SLC17A7: variants seen among roughly 807,000 people sequenced by gnomAD.
The protein encoded by SLC17A7 is solute carrier family 17 member 7, also known as vesicular glutamate transporter 1.
Under a neutral mutation model 59.1 loss-of-function variants are expected in SLC17A7, and 15 were observed. That is an observed-to-expected ratio of 0.25 (90% CI 0.17 to 0.39). The LOEUF is 0.39. Ranked by LOEUF, SLC17A7 falls within the 10% of genes least tolerant of loss-of-function variation. SLC17A7 has a pLI of 1.00. For missense variants in SLC17A7, 499 were observed against 765.1 expected, an observed-to-expected ratio of 0.65 and a Z score of 4.10; for synonymous variants, 353 against 308.9, an observed-to-expected ratio of 1.14 and a Z score of -1.50.
intron 1 of SLC17A7, among the ~76,000 whole-genome samples, chr19:49,439,353 C>G (rs1436493306): frequency 1.3e-5 from 2 of 152,184 alleles, no homozygotes; most frequent in East Asian, 3.9e-4. Context: ...TGATCCCTTA[C>G]TGGCCCTCGG....
At chr19:49,432,316 C>T (rs1228532361) in intron 9 of SLC17A7, among the ~76,000 whole-genome samples, 1 of 152,190 alleles carries the variant, frequency 6.6e-6, no homozygotes, top group Non-Finnish European at 1.5e-5. Context: ...GCGCGGTGGC[C>T]CCTTGGACGG....
rs1351491266 is a variant in SLC17A7 at position 49,432,567 on chromosome 19, G to T, written c.1102C>A (p.Arg368Ser). The T allele has an allele frequency of 5.0e-6, 8 of 1,610,938 alleles. No individual in the cohort carries two copies. Among genetic ancestry groups the T allele is most frequent in the Admixed American group, 1.7e-5 (1 of 59,816 alleles). The change falls in exon 9 of 12, where the codon CGC becomes AGC. Residue 368 changes from arginine (R) to serine (S), a missense_variant. By Grantham distance (110) the Arg-to-Ser change is moderately radical. This residue lies in a region of SLC17A7 where 323 missense variants were observed against 607.2 expected (regional missense o/e 0.53). Transcript: ENST00000221485. ...GGQIADFLRS[R>S]RIMSTTNVRK... Reference sequence around the variant, plus strand: ...ACGTTGGTGGTGGACATGATGCGGCGGCTCCGCAGGAAGTCCGCGATCTGG... The same window carrying T: ...ACGTTGGTGGTGGACATGATGCGGCTGCTCCGCAGGAAGTCCGCGATCTGG...
Position 49,431,458 on chromosome 19 carries a change from C to T in SLC17A7, c.1151-10G>A, listed in dbSNP as rs889941557. ...GCTTCCATGCCGAAGCCTACGGGGGCGGGGGGGGCCCGCGTCTCCTGAGTG... is the reference window on the plus strand; with the variant it reads ...GCTTCCATGCCGAAGCCTACGGGGGTGGGGGGGGCCCGCGTCTCCTGAGTG... On this transcript the variant is annotated splice_polypyrimidine_tract_variant and intron_variant, in intron 9 of 11. Coordinates refer to ENST00000221485, the MANE Select transcript of SLC17A7 (RefSeq NM_020309.4). The surrounding 1 kb of genome is among the most constrained non-coding windows in gnomAD (Gnocchi z 4.6). 66 of 1,603,078 alleles carry T rather than the reference C, an allele frequency of 4.1e-5. No individual in the cohort carries two copies. The East Asian group carries it at 8.3e-4, about 20-fold the overall frequency.
chr19:49,436,429 C>T lies in SLC17A7; in HGVS notation c.315+120G>A. 7.3e-7 allele frequency: 1 copy of T among 1,363,062 alleles called. No individual in the cohort carries two copies. Among genetic ancestry groups the T allele is most frequent in the East Asian group, 2.3e-5 (1 of 42,846 alleles). The allele number at this position is 1,363,062 out of a possible 1,614,324, so 84.4% of individuals were successfully genotyped here. A position where few individuals can be genotyped will look rare whatever the true frequency, so the allele number is the denominator to read the frequency against. ...GCGCACGGATTGGGCGGAGCTATTC[C>T]GACAGCGTTTCGGAAGGGGCGTGGC... On this transcript the variant is annotated intron_variant, in intron 2 of 11. Transcript: ENST00000221485. The surrounding 1 kb of genome is among the most constrained non-coding windows in gnomAD (Gnocchi z 4.1).
In SLC17A7 at chr19:49,436,684, A is replaced by T; in HGVS notation, c.180T>A (p.Pro60=). 4 of 1,613,858 alleles carry T rather than the reference A, an allele frequency of 2.5e-6. No homozygotes were observed. Among genetic ancestry groups the T allele is most frequent in the Non-Finnish European group, 2.5e-6 (3 of 1,179,972 alleles). ...PVVDCTCFGL[P]RRYIIAIMSG... is the part of the protein sequence containing the mutation. Reference sequence around the variant, plus strand: ...TCATGATGGCGATAATGTAGCGGCGAGGGAGGCCGAAGCAGGTGCAGTCCA... The same window carrying T: ...TCATGATGGCGATAATGTAGCGGCGTGGGAGGCCGAAGCAGGTGCAGTCCA... The change falls in exon 2 of 12, where the codon CCT becomes CCA. Residue 60 remains proline, a synonymous_variant. Coordinates refer to ENST00000221485, the MANE Select transcript of SLC17A7 (RefSeq NM_020309.4). This position sits in a 1 kb window ranked among gnomAD's most constrained non-coding sequence, Gnocchi z 4.1.
Position 49,434,060 on chromosome 19 carries a change from T to C in SLC17A7, c.638-14A>G. 2 of 1,584,370 alleles carry C rather than the reference T, an allele frequency of 1.3e-6. No homozygotes were observed. The highest frequency in any genetic ancestry group is 8.7e-7 in the Non-Finnish European group (1 of 1,153,512). ...CAGCATAGGAACCTAAGGGGGAGGA[T>C]GCGGGGGAGAGAACAGGCCCATCTT... On this transcript the variant is annotated splice_polypyrimidine_tract_variant and intron_variant, in intron 5 of 11. Coordinates refer to ENST00000221485, the MANE Select transcript of SLC17A7 (RefSeq NM_020309.4).
rs1291651695 is a variant in SLC17A7, at chr19:49,430,638, T to C, written c.1564A>G (p.Ser522Gly). Residue 522 changes from serine to glycine, a missense_variant, in exon 12 of 12, where the codon AGC (serine) becomes GGC (glycine). By Grantham distance (56) the Ser-to-Gly change is moderately conservative. Transcript: ENST00000221485. ...GGCTCAGCCTCATCCTCCATTTCGC[T>C]GTCGTCACTGCCAGCCAGCTGGTCA... is the stretch of plus-strand genomic sequence containing the variant. ...GHDQLAGSDDSEMEDEAEPPG... is the reference protein window; with the variant it reads ...GHDQLAGSDDGEMEDEAEPPG... 1.2e-6 allele frequency: 2 copies of C among 1,613,978 alleles called. No homozygotes were observed. The highest frequency in any genetic ancestry group is 3.3e-5 in the Admixed American group (2 of 60,002).
Position 49,436,436 on chromosome 19 carries a change from G to T in SLC17A7, c.315+113C>A, listed in dbSNP as rs2078979724. Reference sequence around the variant, plus strand: ...GATTGGGCGGAGCTATTCCGACAGCGTTTCGGAAGGGGCGTGGCCTGGACG... The same window carrying T: ...GATTGGGCGGAGCTATTCCGACAGCTTTTCGGAAGGGGCGTGGCCTGGACG... On this transcript the variant is annotated intron_variant, in intron 2 of 11. Coordinates refer to ENST00000221485, the MANE Select transcript of SLC17A7 (RefSeq NM_020309.4). This position sits in a 1 kb window ranked among gnomAD's most constrained non-coding sequence, Gnocchi z 4.1. 7 of 1,404,090 alleles carry T rather than the reference G, an allele frequency of 5.0e-6. No homozygotes were observed. The highest frequency in any genetic ancestry group is 4.6e-5 in the East Asian group (2 of 43,310). 87.0% of individuals were successfully genotyped at this position (1,404,090 alleles called of 1,614,324 possible).
rs762238797 is a variant in SLC17A7, at chr19:49,433,897, G to A, written c.725-29C>T. On this transcript the variant is annotated intron_variant, in intron 6 of 11. Transcript: ENST00000221485. This position sits in a 1 kb window ranked among gnomAD's most constrained non-coding sequence, Gnocchi z 5.7. Reference sequence around the variant, plus strand: ...GGGGGGTCAGGAGGGGGATGGGAGCGAGGTGAGGACCGGCCCCGCTCCGCC... The same window carrying A: ...GGGGGGTCAGGAGGGGGATGGGAGCAAGGTGAGGACCGGCCCCGCTCCGCC... 35 of 1,612,046 alleles carry A rather than the reference G, an allele frequency of 2.2e-5. No individual in the cohort carries two copies. In the East Asian group the frequency reaches 7.4e-4, roughly 34 times the overall value.
Position 49,434,783 on chromosome 19 carries a change from C to G in SLC17A7, c.534G>C (p.Leu178=). The change falls in exon 4 of 12, where the codon CTG becomes CTC. Residue 178 remains leucine, a synonymous_variant. Transcript: ENST00000221485. ...GGGGATTTACCTCTACCAACCCCTGCAGGATCCTCACGAAGATGACACAGC... is the reference window on the plus strand; with the variant it reads ...GGGGATTTACCTCTACCAACCCCTGGAGGATCCTCACGAAGATGACACAGC... ...HYGCVIFVRI[L]QGLVEGVTYP... 6.2e-7 allele frequency: 1 copy of G among 1,614,188 alleles called. No individual in the cohort carries two copies. Among genetic ancestry groups the G allele is most frequent in the Non-Finnish European group, 8.5e-7 (1 of 1,180,038 alleles).
At position 49,432,598 on chromosome 19, in the gene SLC17A7, G is replaced by C. The variant is rs564881392; in HGVS notation, c.1071C>G (p.Ile357Met). 9 of 1,613,686 alleles carry C rather than the reference G, an allele frequency of 5.6e-6. No individual in the cohort carries two copies. In the South Asian group the frequency reaches 8.8e-5, roughly 16 times the overall value. The change falls in exon 9 of 12, where the codon ATC (isoleucine) becomes ATG (methionine). Residue 357 changes from isoleucine to methionine, a missense_variant. Around this residue, in one of 3 missense-constraint regions of SLC17A7, gnomAD observed 323 missense variants for 607.2 expected, o/e 0.53. Coordinates refer to ENST00000221485, the MANE Select transcript of SLC17A7 (RefSeq NM_020309.4). The stretch of plus-strand genomic sequence containing the variant: ...GCAGGAAGTCCGCGATCTGGCCGCC[G>C]ATGGGCACGATGATGGTCATGACCA... ...PHLVMTIIVP[I>M]GGQIADFLRS... is the part of the protein sequence containing the mutation.
In SLC17A7 at chr19:49,431,468, C is replaced by A; in HGVS notation, c.1151-20G>T. 6.2e-7 allele frequency: 1 copy of A among 1,605,572 alleles called. No homozygotes were observed. The highest frequency in any genetic ancestry group is 1.7e-5 in the Admixed American group (1 of 59,858). On this transcript the variant is annotated intron_variant, in intron 9 of 11. Transcript: ENST00000221485. This position sits in a 1 kb window ranked among gnomAD's most constrained non-coding sequence, Gnocchi z 4.6. Reference sequence around the variant, plus strand: ...CGAAGCCTACGGGGGCGGGGGGGGCCCGCGTCTCCTGAGTGTCGGCCGGAG... The same window carrying A: ...CGAAGCCTACGGGGGCGGGGGGGGCACGCGTCTCCTGAGTGTCGGCCGGAG...
intron 1 of SLC17A7, chr19:49,437,012 C>T: frequency 3.0e-6 from 2 of 660,302 alleles, no homozygotes; most frequent in Admixed American, 3.0e-5. Flanking sequence ...AGGCCCCCAG[C>T]CCCCTCCTTC....
At position 49,441,383 on chromosome 19, in the gene SLC17A7, G is replaced by T; in HGVS notation, c.-4C>A. ...ACTCCTCCTGGCGGAACTCCATGGT[G>T]GCGGCTCCTGCCGCCGGTCACCCCG... On this transcript the variant is annotated 5_prime_UTR_variant, in exon 1 of 12. Coordinates refer to ENST00000221485, the MANE Select transcript of SLC17A7 (RefSeq NM_020309.4). The T allele has an allele frequency of 6.4e-7, 1 of 1,560,968 alleles. No individual in the cohort carries two copies.
At position 49,433,352 on chromosome 19, in the gene SLC17A7, C is replaced by T; in HGVS notation, c.867+374G>A. 1 of 435,822 alleles carries T rather than the reference C, an allele frequency of 2.3e-6. No homozygotes were observed. The highest frequency in any genetic ancestry group is 4.2e-6 in the Non-Finnish European group (1 of 235,624). 27.0% of individuals were successfully genotyped at this position (435,822 alleles called of 1,614,324 possible). On this transcript the variant is annotated intron_variant, in intron 7 of 11. Transcript: ENST00000221485. The surrounding 1 kb of genome is among the most constrained non-coding windows in gnomAD (Gnocchi z 5.7). ...TCAAGCGATCCTGCAGCCTCCACCC[C>T]CAAAGTGTTGGGATTGCAGGCGGAA...
chr19:49,435,303 A>G lies in SLC17A7; in HGVS notation c.316-17T>C. 4 of 1,581,940 alleles carry G rather than the reference A, an allele frequency of 2.5e-6. No homozygotes were observed. Among genetic ancestry groups the G allele is most frequent in the Non-Finnish European group, 3.5e-6 (4 of 1,151,158 alleles). ...CTGGGCTTTCTGCGGGCCAAAATGT[A>G]CATTAAATCAGCCGCCCTGTCCAGG... On this transcript the variant is annotated splice_polypyrimidine_tract_variant and intron_variant, in intron 2 of 11. Coordinates refer to ENST00000221485, the MANE Select transcript of SLC17A7 (RefSeq NM_020309.4).
chr19:49,433,328 C>T lies in SLC17A7; in HGVS notation c.868-368G>A, dbSNP rs1282975875. Reference sequence around the variant, plus strand: ...CAAGCTGGTCTGGAACTCCTGGGCTCAAGCGATCCTGCAGCCTCCACCCCC... The same window carrying T: ...CAAGCTGGTCTGGAACTCCTGGGCTTAAGCGATCCTGCAGCCTCCACCCCC... On this transcript the variant is annotated intron_variant, in intron 7 of 11. Transcript: ENST00000221485. The surrounding 1 kb of genome is among the most constrained non-coding windows in gnomAD (Gnocchi z 5.7). 2.4e-6 allele frequency: 1 copy of T among 413,484 alleles called. No homozygotes were observed. The highest frequency in any genetic ancestry group is 4.4e-6 in the Non-Finnish European group (1 of 224,942). The allele number at this position is 413,484 out of a possible 1,614,324, so 25.6% of individuals were successfully genotyped here. A position where few individuals can be genotyped will look rare whatever the true frequency, so the allele number is the denominator to read the frequency against.
At position 49,433,914 on chromosome 19, in the gene SLC17A7, C is replaced by T. The variant is rs1225572434; in HGVS notation, c.724+46G>A. 5.0e-6 allele frequency: 8 copies of T among 1,612,994 alleles called. No individual in the cohort carries two copies. The highest frequency in any genetic ancestry group is 2.7e-5 in the African/African-American group (2 of 74,864). On this transcript the variant is annotated intron_variant, in intron 6 of 11. Transcript: ENST00000221485. This position sits in a 1 kb window ranked among gnomAD's most constrained non-coding sequence, Gnocchi z 5.7. The stretch of plus-strand genomic sequence containing the variant: ...ATGGGAGCGAGGTGAGGACCGGCCC[C>T]GCTCCGCCCCAGCGCCACCCGGAAC...
chr19:49,436,562 T>C lies in SLC17A7; in HGVS notation c.302A>G (p.His101Arg). 1 of 1,613,464 alleles carries C rather than the reference T, an allele frequency of 6.2e-7. No individual in the cohort carries two copies. Among genetic ancestry groups the C allele is most frequent in the Non-Finnish European group, 8.5e-7 (1 of 1,179,946 alleles). ...VNNSTTHRGG[H>R]VVVQKAQFSW... ...GCCTTGAGCTACCTGCACCACCACG[T>C]GGCCCCCGCGGTGGGTCGTGCTGTT... is the stretch of plus-strand genomic sequence containing the variant. The change falls in exon 2 of 12, where the codon CAC (histidine) becomes CGC (arginine). Residue 101 changes from histidine (H) to arginine (R), a missense_variant. His to Arg is a conservative substitution (Grantham distance 29). Transcript: ENST00000221485. This position sits in a 1 kb window ranked among gnomAD's most constrained non-coding sequence, Gnocchi z 4.1.
Sources: allele counts gnomAD v4.1 joint callset (sites outside exome capture counted in the v4.1 genomes callset), GRCh38; gene constraint gnomAD v4.1.1; regional missense constraint gnomAD v4.1.1; non-coding constraint Gnocchi (gnomAD v3.1); transcripts MANE v1.5; gene names NCBI Gene and HGNC (gene_info 2026-07-23, HGNC 2026-07-21).